CLASP2: variants seen among roughly 807,000 people sequenced by gnomAD.
CLASP2 encodes the protein cytoplasmic linker associated protein 2.
In CLASP2, 47 loss-of-function variants were observed where a neutral mutation model predicts 194.4. That is an observed-to-expected ratio of 0.24 (90% confidence interval 0.19 to 0.31). CLASP2 has a LOEUF of 0.31. CLASP2 is among the 10% of genes least tolerant of loss of function. The probability of loss-of-function intolerance (pLI) is 1.00; values close to 1 mark genes in which losing one functional copy is unlikely to be tolerated. For missense variants in CLASP2, 1,445 were observed against 1,823.6 expected, an observed-to-expected ratio of 0.79 and a Z score of 3.78; for synonymous variants, 619 against 633.5, an observed-to-expected ratio of 0.98 and a Z score of 0.34.
rs778905362 is a variant in CLASP2 at position 33,535,334 on chromosome 3, C to T, written c.3686G>A (p.Arg1229Gln). ...SMPTHSSPRS[R>Q]DYNPYNYSDS... is the part of the protein sequence containing the mutation. Reference sequence around the variant, plus strand: ...TGAATAGTTATATGGATTATAGTCTCGAGAGCGTGGAGAGGAGTGAGTAGG... The same window carrying T: ...TGAATAGTTATATGGATTATAGTCTTGAGAGCGTGGAGAGGAGTGAGTAGG... The change falls in exon 34 of 39, where the codon CGA becomes CAA. Residue 1229 changes from arginine to glutamine, a missense_variant. Physicochemically the swap from Arg to Gln is conservative, Grantham distance 43. This residue lies in a region of CLASP2 where 732 missense variants were observed against 987.9 expected (regional missense o/e 0.74). Transcript: ENST00000682230. 2.5e-6 allele frequency: 4 copies of T among 1,613,718 alleles called. No homozygotes were observed. The highest frequency in any genetic ancestry group is 3.4e-6 in the Non-Finnish European group (4 of 1,179,810).
intron 1 of CLASP2, among the ~76,000 whole-genome samples, chr3:33,711,246 ATT>A (rs71070144): frequency 3.4e-4 from 46 of 133,928 alleles, no homozygotes; most frequent in East Asian, 8.7e-4. Context: ...CCAGTATTGC[ATT>A]TTTTTTTTTT....
At chr3:33,714,416 C>T (rs761066800) in intron 1 of CLASP2, among the ~76,000 whole-genome samples, 2 of 152,176 alleles carry the variant, frequency 1.3e-5, no homozygotes, top group Non-Finnish European at 2.9e-5. Flanking sequence ...ACACCTAACA[C>T]AGTAAAAACT....
chr3:33,674,442 C>T (rs1287633060), intron 6 of CLASP2, among the ~76,000 whole-genome samples: 1 of 150,616 alleles, frequency 6.6e-6, no homozygotes, highest in Non-Finnish European at 1.5e-5. Context: ...ACATTCAAAG[C>T]AGTGTGTAGA....
chr3:33,616,750 T>TC (rs991796900), intron 12 of CLASP2, among the ~76,000 whole-genome samples: 2 of 147,722 alleles, frequency 1.4e-5, no homozygotes, highest in African/African-American at 5.0e-5. Flanking sequence ...TTTTTTTTTT[T>TC]TTTTTTTGGG....
intron 29 of CLASP2, among the ~76,000 whole-genome samples, chr3:33,554,105 G>A (rs2060500675): frequency 1.3e-5 from 2 of 151,766 alleles, no homozygotes; most frequent in Admixed American, 6.6e-5. Flanking sequence ...GTGGGCGCCT[G>A]TAATCCCAGC....
rs1289617577 is a variant in CLASP2, at chr3:33,665,236, C to G, written c.645-1721G>C. Among the ~76,000 whole-genome samples, 3 of 152,012 alleles carry G rather than the reference C, an allele frequency of 2.0e-5. No homozygotes were observed. In the East Asian group the frequency reaches 5.8e-4, roughly 29 times the overall value. ...GGAGTAAAAACTTTAGGACAGAAAG[C>G]TCAGAAAGAGAAGTGGGTTGGCAAG... is the stretch of plus-strand genomic sequence containing the variant. On this transcript the variant is annotated intron_variant, in intron 6 of 38. Coordinates refer to ENST00000682230, the MANE Select transcript of CLASP2 (RefSeq NM_001365631.1).
chr3:33,551,303 C>T lies in CLASP2; in HGVS notation c.3102G>A (p.Val1034=), dbSNP rs1159674059. The change falls in exon 30 of 39, where the codon GTG becomes GTA. Residue 1034 remains valine, a synonymous_variant. Transcript: ENST00000682230. ...CTGTTGTCCAAGTGATGACCCGAGACACTGCTAGGCGAGTTTCACTGGAAT... is the reference window on the plus strand; with the variant it reads ...CTGTTGTCCAAGTGATGACCCGAGATACTGCTAGGCGAGTTTCACTGGAAT... ...FINSSETRLA[V]SRVITWTTEP... is the part of the protein sequence containing the mutation. 1.9e-6 allele frequency: 3 copies of T among 1,613,656 alleles called. No homozygotes were observed. The African/African-American group carries it at 4.0e-5, about 22-fold the overall frequency.
chr3:33,612,543 C>T (rs115489575), intron 12 of CLASP2, among the ~76,000 whole-genome samples: 59 of 152,264 alleles, frequency 3.9e-4, no homozygotes, highest in African/African-American at 1.4e-3. Flanking sequence ...CTGGCTGAAT[C>T]GTATCTCTCT....
chr3:33,593,540 A>G (rs558959160), intron 20 of CLASP2, among the ~76,000 whole-genome samples: 8 of 152,280 alleles, frequency 5.3e-5, no homozygotes, highest in South Asian at 4.1e-4. Flanking sequence ...AGAAAAGATA[A>G]GAGAGTAATA....
At chr3:33,716,271 G>A (rs1346837328) in intron 1 of CLASP2, among the ~76,000 whole-genome samples, 3 of 152,178 alleles carry the variant, frequency 2.0e-5, no homozygotes, top group Non-Finnish European at 2.9e-5. Context: ...AGTGAAAACA[G>A]AAAAGAACCC....
chr3:33,525,502 G>A (rs2054281207), intron 34 of CLASP2, among the ~76,000 whole-genome samples: 1 of 151,948 alleles, frequency 6.6e-6, no homozygotes, highest in African/African-American at 2.4e-5. Flanking sequence ...CCACTAGAGA[G>A]CAACACCGAG....
At chr3:33,707,104 A>T (rs1325407182) in intron 1 of CLASP2, among the ~76,000 whole-genome samples, 1 of 152,220 alleles carries the variant, frequency 6.6e-6, no homozygotes, top group East Asian at 1.9e-4. Context: ...TCCCATGAAA[A>T]AAAGATCAAG....
intron 33 of CLASP2, among the ~76,000 whole-genome samples, chr3:33,535,923 G>GAA (rs142158394): frequency 3.7e-5 from 4 of 107,288 alleles, no homozygotes; most frequent in Non-Finnish European, 6.0e-5. Flanking sequence ...GCTTTAAGGA[G>GAA]AAAAAAAAAA....
intron 30 of CLASP2, among the ~76,000 whole-genome samples, chr3:33,545,449 C>G (rs1291643544): frequency 1.3e-5 from 2 of 152,182 alleles, no homozygotes; most frequent in African/African-American, 4.8e-5. Context: ...TCATTTTGGA[C>G]TTTTCTGAAC....
At chr3:33,693,431 C>T (rs1276539461) in intron 2 of CLASP2, among the ~76,000 whole-genome samples, 1 of 152,124 alleles carries the variant, frequency 6.6e-6, no homozygotes, top group Admixed American at 6.5e-5. Flanking sequence ...AATTCAACTC[C>T]TTCCTTTTAC....
intron 27 of CLASP2, among the ~76,000 whole-genome samples, chr3:33,564,268 C>A (rs1369592886): frequency 6.6e-6 from 1 of 152,150 alleles, no homozygotes; most frequent in Non-Finnish European, 1.5e-5. Context: ...TAATTGGTAG[C>A]CAACCCTTTT....
chr3:33,684,723 G>C lies in CLASP2; in HGVS notation c.547-267C>G, dbSNP rs369491383. On this transcript the variant is annotated intron_variant, in intron 5 of 38. Coordinates refer to ENST00000682230, the MANE Select transcript of CLASP2 (RefSeq NM_001365631.1). ...CTTTTAAAAAATCTATTTGTGGCCA[G>C]GCACGGTGGCTCATGCCTGTAATCC... 6.7e-4 allele frequency among the ~76,000 whole-genome samples: 102 copies of C among 152,272 alleles called. 1 individual carries two copies. In the East Asian group the frequency reaches 0.018, roughly 28 times the overall value.
At chr3:33,542,056 C>T (rs111598186) in intron 32 of CLASP2, among the ~76,000 whole-genome samples, 4,109 of 152,134 alleles carry the variant, frequency 0.027, 161 homozygotes, top group African/African-American at 0.092. Context: ...TGGTATCTCA[C>T]TGTGGGCTTG....
intron 34 of CLASP2, among the ~76,000 whole-genome samples, chr3:33,520,498 AGTGGTAATCAG>A (rs2052699322): frequency 1.3e-5 from 2 of 152,182 alleles, no homozygotes; most frequent in African/African-American, 2.4e-5. Flanking sequence ...GTCCACATAG[AGTGGTAATCAG>A]GTGTAAGCTG....
Sources: gnomAD v4.1 joint callset for allele counts (sites outside exome capture counted in the v4.1 genomes callset) on GRCh38, gnomAD v4.1.1 for gene constraint, gnomAD v4.1.1 regional missense constraint, MANE v1.5 for transcripts, NCBI Gene and HGNC (gene_info 2026-07-23, HGNC 2026-07-21) for gene names.